Variants in BAIAP2 observed in about 807,000 individuals in gnomAD.
BAIAP2 encodes the protein BAR/IMD domain containing adaptor protein 2, also known as BAR/IMD domain-containing adapter protein 2.
BAIAP2 carries 18 observed loss-of-function variants against 63.0 expected under a neutral mutation model. The observed-to-expected ratio is 0.29, with a 90% CI of 0.20 to 0.42. The LOEUF is 0.42. BAIAP2 is among the 10% of genes least tolerant of loss of function. The probability of loss-of-function intolerance (pLI) is 1.00; values close to 1 mark genes in which losing one functional copy is unlikely to be tolerated. For missense variants in BAIAP2, 610 were observed against 734.3 expected (o/e 0.83, Z 1.96); for synonymous variants, 386 against 307.6 (o/e 1.25, Z -2.67).
At chr17:81,069,863 A>C (rs1037084531) in intron 3 of BAIAP2, among the ~76,000 whole-genome samples, 1 of 152,170 alleles carries the variant, frequency 6.6e-6, no homozygotes, top group Non-Finnish European at 1.5e-5. Flanking sequence ...GTGGGACCTG[A>C]ACAGGCAGCA....
intron 1 of BAIAP2, among the ~76,000 whole-genome samples, chr17:81,042,502 C>T (rs1684540310): frequency 6.6e-6 from 1 of 152,006 alleles, no homozygotes; most frequent in Admixed American, 6.6e-5. Flanking sequence ...GCCTCCTGTT[C>T]CTTCTTCGGA....
At chr17:81,073,115 C>T (rs547174491) in intron 3 of BAIAP2, among the ~76,000 whole-genome samples, 157 of 152,184 alleles carry the variant, frequency 1.0e-3, no homozygotes, top group Non-Finnish European at 2.0e-3. Context: ...AAGCTCTCTT[C>T]GTAGGTGGCG....
At chr17:81,054,182 G>A (rs577543872) in intron 2 of BAIAP2, among the ~76,000 whole-genome samples, 766 of 43,170 alleles carry the variant, frequency 0.018, 44 homozygotes, top group Middle Eastern at 0.062. Context: ...TGGTAGAACT[G>A]TGCCCGGGCC....
intron 1 of BAIAP2, chr17:81,037,010 C>A: frequency 6.8e-7 from 1 of 1,474,302 alleles, no homozygotes; most frequent in Non-Finnish European, 9.2e-7. Context: ...CCGTGATCGT[C>A]CTTAATAAAA....
intron 6 of BAIAP2, among the ~76,000 whole-genome samples, chr17:81,088,734 C>A (rs183901741): frequency 6.6e-6 from 1 of 152,238 alleles, no homozygotes; most frequent in Non-Finnish European, 1.5e-5. Context: ...ATGGCTAAAT[C>A]GTGTTCCATC....
intron 6 of BAIAP2, 42 bp from the exon 7 acceptor site, chr17:81,099,886 C>T (rs764493036): frequency 3.7e-6 from 6 of 1,600,160 alleles, no homozygotes; most frequent in African/African-American, 2.7e-5. Flanking sequence ...TGACAGGCGT[C>T]CTTCCATCGC....
At chr17:81,055,574 G>GTTTTTTTTTTTTTTTTTTTT (rs1555657874) in intron 2 of BAIAP2, among the ~76,000 whole-genome samples, 2 of 123,412 alleles carry the variant, frequency 1.6e-5, no homozygotes, top group East Asian at 5.4e-4. Context: ...AGGGTGTTTT[G>GTTTTTTTTTTTTTTTTTTTT]TTTTTTTTTG....
intron 7 of BAIAP2, among the ~76,000 whole-genome samples, chr17:81,103,067 C>G (rs1467253017): frequency 6.6e-6 from 1 of 152,212 alleles, no homozygotes; most frequent in African/African-American, 2.4e-5. Flanking sequence ...CTCAGTGTGT[C>G]TGACGGGGCT....
At chr17:81,088,892 G>A (rs1489948340) in intron 6 of BAIAP2, among the ~76,000 whole-genome samples, 2 of 152,334 alleles carry the variant, frequency 1.3e-5, no homozygotes, top group East Asian at 3.9e-4. Flanking sequence ...GGGGCTGTCG[G>A]AGCCACTCCC....
At chr17:81,067,386 C>T (rs1021452187) in intron 3 of BAIAP2, among the ~76,000 whole-genome samples, 1 of 152,120 alleles carries the variant, frequency 6.6e-6, no homozygotes, top group African/African-American at 2.4e-5. Context: ...GGGAAGGGGG[C>T]GGGGGGGCCT....
intron 3 of BAIAP2, among the ~76,000 whole-genome samples, chr17:81,080,524 G>A (rs1486786202): frequency 1.3e-5 from 2 of 152,216 alleles, no homozygotes; most frequent in African/African-American, 4.8e-5. Flanking sequence ...GGCGGGTGGT[G>A]ATGACCGTCA....
At chr17:81,110,954 G>GA (rs2059856948) in intron 13 of BAIAP2, 3 of 1,613,804 alleles carry the variant, frequency 1.9e-6, no homozygotes, top group Non-Finnish European at 2.5e-6. Flanking sequence ...CGCCTGACTA[G>GA]AGTTAGTAAG....
intron 1 of BAIAP2, among the ~76,000 whole-genome samples, chr17:81,052,262 T>C (rs1387548765): frequency 6.6e-6 from 1 of 152,236 alleles, no homozygotes; most frequent in African/African-American, 2.4e-5. Flanking sequence ...TGAGCACGCC[T>C]ATCCCACTTC....
In BAIAP2 at chr17:81,109,001, ACG is replaced by A. The variant is rs1396998267; in HGVS notation, c.1535+494_1535+495del. The A allele has an allele frequency of 3.9e-6, 6 of 1,546,844 alleles. No individual in the cohort carries two copies. The African/African-American group carries it at 8.2e-5, about 21-fold the overall frequency. ...GCACGCTGGTGTCCACAGTGTGAGG[ACG>A]CTGACCCCGGGCAGCCGCTGCTCTG... On this transcript the variant is annotated intron_variant, in intron 13 of 13. Transcript: ENST00000428708.
chr17:81,098,498 C>T (rs531033571), intron 6 of BAIAP2, among the ~76,000 whole-genome samples: 2 of 152,174 alleles, frequency 1.3e-5, no homozygotes, highest in South Asian at 2.1e-4. Context: ...GTGCACAGTT[C>T]AGCGGCATTA....
At chr17:81,047,784 C>G (rs988416602) in intron 1 of BAIAP2, among the ~76,000 whole-genome samples, 3 of 132,034 alleles carry the variant, frequency 2.3e-5, no homozygotes, top group Non-Finnish European at 4.9e-5. Context: ...CACACAGGCC[C>G]AGCTCATGCC....
In BAIAP2 at chr17:81,103,493, C is replaced by T. The variant is rs75955278; in HGVS notation, c.643-9C>T. ...CCTGACCCCTCCCTTCCTGCTGCTT[C>T]CACTTCAGGGCAAGGAGCTGCTGGC... On this transcript the variant is annotated splice_polypyrimidine_tract_variant and intron_variant, in intron 7 of 13. Transcript: ENST00000428708. The T allele has an allele frequency of 5.1e-4, 793 of 1,556,706 alleles. 2 individuals carry two copies. The African/African-American group carries it at 9.3e-3, about 18-fold the overall frequency.
intron 13 of BAIAP2, chr17:81,110,794 G>A (rs886831483): frequency 1.3e-5 from 18 of 1,373,298 alleles, no homozygotes; most frequent in African/African-American, 5.7e-5. Context: ...GCTGTGTGCC[G>A]ACTCCGAGTG....
At chr17:81,105,050 C>T (rs1598807252) in intron 10 of BAIAP2, 2 of 222,572 alleles carry the variant, frequency 9.0e-6, no homozygotes, top group East Asian at 2.9e-4. Context: ...GGTCTTTCCC[C>T]ATGGCAGGGG....
Sources: gnomAD v4.1 joint callset for allele counts (sites outside exome capture counted in the v4.1 genomes callset) on GRCh38, gnomAD v4.1.1 for gene constraint, MANE v1.5 for transcripts, NCBI Gene and HGNC (gene_info 2026-07-23, HGNC 2026-07-21) for gene names.